Variants in MYRIP observed in about 807,000 individuals in gnomAD.
MYRIP encodes myosin VIIA and Rab interacting protein.
In MYRIP, 49 loss-of-function variants were observed where a neutral mutation model predicts 98.0. The ratio of observed to expected loss-of-function variants is 0.50; its 90% CI spans 0.40 to 0.63. The LOEUF is 0.63. Among genes scored for constraint, MYRIP ranks in the 30% least tolerant of loss-of-function variants. The probability of loss-of-function intolerance (pLI) is 0.00; values close to 1 mark genes in which losing one functional copy is unlikely to be tolerated. For synonymous variants in MYRIP, 404 were observed against 409.5 expected, an observed-to-expected ratio of 0.99 and a Z score of 0.16; for missense variants, 1,004 against 1,058.2, an observed-to-expected ratio of 0.95 and a Z score of 0.71.
chr3:39,848,358 T>A (rs1408385800), intron 1 of MYRIP, among the ~76,000 whole-genome samples: 2 of 152,254 alleles, frequency 1.3e-5, no homozygotes, highest in Admixed American at 6.5e-5. Flanking sequence ...ACAAGCCTAA[T>A]ACTTCAATCA....
intron 1 of MYRIP, among the ~76,000 whole-genome samples, chr3:39,893,238 T>C (rs1345621036): frequency 6.6e-6 from 1 of 152,308 alleles, no homozygotes; most frequent in Non-Finnish European, 1.5e-5. Context: ...TCTGCAATTA[T>C]CCTGTGCTCA....
chr3:40,077,319 T>A (rs1017469981), intron 3 of MYRIP, among the ~76,000 whole-genome samples: 2 of 152,142 alleles, frequency 1.3e-5, no homozygotes, highest in Non-Finnish European at 2.9e-5. Flanking sequence ...CTGCTTTTAT[T>A]CTCTTATCTG....
At chr3:39,969,740 A>G (rs1227336120) in intron 2 of MYRIP, among the ~76,000 whole-genome samples, 3 of 152,002 alleles carry the variant, frequency 2.0e-5, no homozygotes, top group African/African-American at 7.2e-5. Context: ...TTTGTTGAGG[A>G]TTTTTGCATC....
In MYRIP at chr3:39,828,467, A is replaced by G. The variant is rs190431447; in HGVS notation, c.-31+18551A>G. On this transcript the variant is annotated intron_variant, in intron 1 of 16. Transcript: ENST00000302541. ...GATTTTGAATTATTTCTGGCAATTT[A>G]TATATATATATAATATCTTTTATTT... Among the ~76,000 whole-genome samples, 768 of 149,990 alleles carry G rather than the reference A, an allele frequency of 5.1e-3. 3 individuals are homozygous for G. The highest frequency in any genetic ancestry group is 7.7e-3 in the Non-Finnish European group (523 of 67,630).
chr3:40,246,526 C>T (rs1196766185), intron 13 of MYRIP, among the ~76,000 whole-genome samples: 2 of 152,216 alleles, frequency 1.3e-5, no homozygotes, highest in East Asian at 3.9e-4. Context: ...TTTCTAGTCT[C>T]CTCTTGTCCT....
At chr3:39,886,508 T>C (rs1231268452) in intron 1 of MYRIP, among the ~76,000 whole-genome samples, 1 of 149,508 alleles carries the variant, frequency 6.7e-6, no homozygotes, top group Admixed American at 6.7e-5. Context: ...ACCAAGCAAA[T>C]GGAAAACAAA....
At chr3:40,120,667 C>T (rs751300775) in intron 3 of MYRIP, among the ~76,000 whole-genome samples, 12 of 152,190 alleles carry the variant, frequency 7.9e-5, no homozygotes, top group South Asian at 2.1e-4. Flanking sequence ...TTTGCTATCT[C>T]AGTTCCCAGA....
chr3:39,928,710 A>G (rs1166850557), intron 2 of MYRIP, among the ~76,000 whole-genome samples: 5 of 151,900 alleles, frequency 3.3e-5, no homozygotes, highest in African/African-American at 9.7e-5. Flanking sequence ...TGTACAAAAA[A>G]CCTACAGCTA....
At chr3:39,876,810 A>C (rs1280592575) in intron 1 of MYRIP, among the ~76,000 whole-genome samples, 1 of 151,938 alleles carries the variant, frequency 6.6e-6, no homozygotes, top group Non-Finnish European at 1.5e-5. Flanking sequence ...GAATCTGACA[A>C]TTATGTGTCT....
intron 1 of MYRIP, among the ~76,000 whole-genome samples, chr3:39,844,170 C>T (rs1941893063): frequency 6.6e-6 from 1 of 152,194 alleles, no homozygotes; most frequent in Non-Finnish European, 1.5e-5. Flanking sequence ...ATCTTCCAAT[C>T]CTGTTATTTC....
rs1169135466 is a variant in MYRIP, at chr3:40,022,960, A to C, written c.111-21090A>C. Among the ~76,000 whole-genome samples the C allele has an allele frequency of 2.0e-5, 3 of 152,326 alleles. No individual in the cohort carries two copies. The East Asian group carries it at 5.8e-4, about 29-fold the overall frequency. ...CAGATCCTAGGCAAAAATTCCAGGC[A>C]GTGACAATTCCTATGAGAAAATGTG... On this transcript the variant is annotated intron_variant, in intron 2 of 16. Coordinates refer to ENST00000302541, the MANE Select transcript of MYRIP (RefSeq NM_015460.4).
intron 1 of MYRIP, among the ~76,000 whole-genome samples, chr3:39,844,845 A>T (rs1559494202): frequency 6.6e-6 from 1 of 152,178 alleles, no homozygotes; most frequent in Non-Finnish European, 1.5e-5. Context: ...GACACTTTAC[A>T]AATCATTGGA....
At chr3:39,935,957 T>C (rs1434091666) in intron 2 of MYRIP, among the ~76,000 whole-genome samples, 1 of 141,024 alleles carries the variant, frequency 7.1e-6, no homozygotes, top group Admixed American at 6.7e-5. Flanking sequence ...TTTTGAAATA[T>C]TAAAAAATTT....
At chr3:40,072,757 A>T (rs759828064) in intron 3 of MYRIP, among the ~76,000 whole-genome samples, 2 of 152,120 alleles carry the variant, frequency 1.3e-5, no homozygotes, top group Non-Finnish European at 2.9e-5. Flanking sequence ...TATTATTTCA[A>T]TCCTGTGAAA....
At chr3:40,204,099 ATATTATAT>A (rs1951702290) in intron 10 of MYRIP, among the ~76,000 whole-genome samples, 1 of 26,182 alleles carries the variant, frequency 3.8e-5, no homozygotes, top group African/African-American at 1.2e-4. Context: ...ATTATATAAT[ATATTATAT>A]AATATATAAA....
chr3:40,055,400 T>G (rs759305957), intron 3 of MYRIP, among the ~76,000 whole-genome samples: 1 of 152,336 alleles, frequency 6.6e-6, no homozygotes, highest in African/African-American at 2.4e-5. Context: ...ACTGCCATCA[T>G]AGGTAATGCT....
intron 16 of MYRIP, among the ~76,000 whole-genome samples, chr3:40,256,884 C>T (rs1011769928): frequency 2.6e-5 from 4 of 151,954 alleles, no homozygotes; most frequent in African/African-American, 7.3e-5. Context: ...AAGCCTGCTC[C>T]GTGGCTGGTA....
intron 2 of MYRIP, among the ~76,000 whole-genome samples, chr3:39,905,277 C>A (rs1219873390): frequency 6.6e-6 from 1 of 152,192 alleles, no homozygotes; most frequent in African/African-American, 2.4e-5. Flanking sequence ...ATATTTAGTT[C>A]TTGGTCCTTT....
intron 2 of MYRIP, among the ~76,000 whole-genome samples, chr3:39,992,528 C>T (rs1014727325): frequency 5.3e-5 from 8 of 152,204 alleles, no homozygotes; most frequent in African/African-American, 1.9e-4. Flanking sequence ...ACTCCAGGTC[C>T]TTTAAAGTGC....
Sources: gnomAD v4.1 joint callset for allele counts (sites outside exome capture counted in the v4.1 genomes callset) on GRCh38, gnomAD v4.1.1 for gene constraint, MANE v1.5 for transcripts, NCBI Gene and HGNC (gene_info 2026-07-23, HGNC 2026-07-21) for gene names.